ADGRD2: variants seen among roughly 807,000 people sequenced by gnomAD.
The protein encoded by ADGRD2 is adhesion G protein-coupled receptor D2.
Under a neutral mutation model 44.4 loss-of-function variants are expected in ADGRD2, and 71 were observed. The observed-to-expected ratio is 1.60, with a 90% CI of 1.32 to 1.95. The LOEUF (loss-of-function observed/expected upper bound fraction) is 1.95, where lower values mean the gene tolerates loss of function less well. ADGRD2 is among the 30% of genes most tolerant of loss of function. ADGRD2 has a pLI of 0.00. For missense variants in ADGRD2, 1,039 were observed against 512.4 expected (o/e 2.03, Z -9.92); for synonymous variants, 481 against 224.8 (o/e 2.14, Z -10.19).
At chr9:124,451,997 G>GA, upstream of ADGRD2, 2 of 360,938 alleles carry the variant, frequency 5.5e-6, no homozygotes, top group South Asian at 2.1e-5. Context: ...TCCACTGAAT[G>GA]CCCCCCTCCC....
Position 124,454,472 on chromosome 9 carries a change from A to C in ADGRD2, c.1023-12A>C. ...TTGCCCGGGGCCTAGCCTGGCATCC[A>C]CTCCTTTGCAGAGCCCTATCGTCGG... On this transcript the variant is annotated splice_polypyrimidine_tract_variant and intron_variant, in intron 4 of 21. Coordinates refer to ENST00000334810, the Ensembl canonical transcript of ADGRD2. This position sits in a 1 kb window ranked among gnomAD's most constrained non-coding sequence, Gnocchi z 4.5. 1 of 705,282 alleles carries C rather than the reference A, an allele frequency of 1.4e-6. No individual in the cohort carries two copies. Among genetic ancestry groups the C allele is most frequent in the Admixed American group, 2.0e-5 (1 of 49,740 alleles). The allele number at this position is 705,282 out of a possible 1,614,324, so 43.7% of individuals were successfully genotyped here.
At chr9:124,466,233 A>G in intron 10 of ADGRD2, 25 bp from the exon 14 acceptor site, 1 of 574,178 alleles carries the variant, frequency 1.7e-6, no homozygotes, top group Non-Finnish European at 3.3e-6. Flanking sequence ...CTGGCCCCTC[A>G]CCCCCTTGTC....
In ADGRD2 at chr9:124,454,142, G is replaced by T; in HGVS notation, c.1022+45G>T. The T allele has an allele frequency of 1.6e-6, 1 of 641,782 alleles. No homozygotes were observed. The allele number at this position is 641,782 out of a possible 1,614,324, so 39.8% of individuals were successfully genotyped here. A position where few individuals can be genotyped will look rare whatever the true frequency, so the allele number is the denominator to read the frequency against. ...CTGGGCTCTGCTGAAGGGAAAGCCG[G>T]TGTGGACCGGAGTAGACTGAGAGGG... On this transcript the variant is annotated intron_variant, in intron 4 of 21. Coordinates refer to ENST00000334810, the Ensembl canonical transcript of ADGRD2. This position sits in a 1 kb window ranked among gnomAD's most constrained non-coding sequence, Gnocchi z 4.5.
At chr9:124,471,804 C>T (rs905782946) in intron 17 of ADGRD2, among the ~76,000 whole-genome samples, 1 of 152,208 alleles carries the variant, frequency 6.6e-6, no homozygotes, top group Non-Finnish European at 1.5e-5. Context: ...GAAGAGGCAG[C>T]AAAAAGCCCC....
At chr9:124,468,592 G>A (rs746884301) in exon 14 of ADGRD2, 2 of 718,452 alleles carry the variant, frequency 2.8e-6, no homozygotes, top group South Asian at 1.5e-5. Context: ...CTGGTGGAGG[G>A]GCTGCTGCTG....
rs538464221 is a variant in ADGRD2, at chr9:124,466,612, C to G, written c.2026+199C>G. On this transcript the variant is annotated intron_variant, in intron 11 of 21. Transcript: ENST00000334810. ...ATCACTTGAGCCCAGGAGTTCAAGA[C>G]CAGCCTGGGCAACATGGCAAAACCC... 2.8e-5 allele frequency: 11 copies of G among 397,082 alleles called. No individual in the cohort carries two copies. The East Asian group carries it at 4.0e-4, about 15-fold the overall frequency. The allele number at this position is 397,082 out of a possible 1,614,324, so 24.6% of individuals were successfully genotyped here. A position where few individuals can be genotyped will look rare whatever the true frequency, so the allele number is the denominator to read the frequency against.
intron 2 of ADGRD2, 116 bp downstream of exon 5, chr9:124,452,838 A>T: frequency 1.6e-6 from 1 of 623,736 alleles, no homozygotes; most frequent in Non-Finnish European, 2.9e-6. Context: ...ACCCCATTGC[A>T]TCTCCAGGTT....
intron 10 of ADGRD2, among the ~76,000 whole-genome samples, chr9:124,462,125 A>G (rs1382054800): frequency 6.6e-6 from 1 of 151,746 alleles, no homozygotes; most frequent in Admixed American, 6.6e-5. Flanking sequence ...TGGTACGAAC[A>G]CGGCTCACTG....
chr9:124,471,201 G>T (rs1251377617), intron 17 of ADGRD2, among the ~76,000 whole-genome samples: 1 of 152,152 alleles, frequency 6.6e-6, no homozygotes, highest in South Asian at 2.1e-4. Flanking sequence ...ACAGCCAGGG[G>T]GCTGGGTGCT....
rs1831898701 is a variant in ADGRD2, at chr9:124,469,366, G to T, written c.2521+11G>T. 7 of 718,322 alleles carry T rather than the reference G, an allele frequency of 9.7e-6. No homozygotes were observed. Among genetic ancestry groups the T allele is most frequent in the Non-Finnish European group, 1.8e-5 (7 of 385,100 alleles). The allele number at this position is 718,322 out of a possible 1,614,324, so 44.5% of individuals were successfully genotyped here. ...CTCTTCGTGCTGACTGTGAGCTGGG[G>T]ACCTGCAGGGGAGGGGCGTGTTGGG... On this transcript the variant is annotated intron_variant, in intron 15 of 21. Coordinates refer to ENST00000334810, the Ensembl canonical transcript of ADGRD2.
intron 10 of ADGRD2, among the ~76,000 whole-genome samples, chr9:124,463,275 G>A (rs778570280): frequency 2.3e-4 from 35 of 152,116 alleles, no homozygotes; most frequent in Non-Finnish European, 4.3e-4. Context: ...CCTTAATCTA[G>A]TAAATTGCAC....
intron 10 of ADGRD2, among the ~76,000 whole-genome samples, chr9:124,464,810 A>AGG (rs1831784958): frequency 2.4e-5 from 2 of 83,196 alleles, no homozygotes; most frequent in African/African-American, 6.4e-5. Flanking sequence ...CTGTGTGTGT[A>AGG]CGTGTGTGTG....
At chr9:124,456,845 GC>G in intron 7 of ADGRD2, 112 bp downstream of exon 10, 1 of 672,462 alleles carries the variant, frequency 1.5e-6, no homozygotes, top group Non-Finnish European at 2.7e-6. Context: ...TCCTGCCTTT[GC>G]CCATGCTGTG....
In ADGRD2 at chr9:124,454,566, T is replaced by C. The variant is rs905184544; in HGVS notation, c.1107T>C (p.Ile369=). The C allele has an allele frequency of 2.8e-6, 2 of 715,988 alleles. No homozygotes were observed. Among genetic ancestry groups the C allele is most frequent in the Non-Finnish European group, 5.2e-6 (2 of 383,528 alleles). 44.4% of individuals were successfully genotyped at this position (715,988 alleles called of 1,614,324 possible). A position where few individuals can be genotyped will look rare whatever the true frequency, so the allele number is the denominator to read the frequency against. Residue 369 remains isoleucine (I), a synonymous_variant, in exon 5 of 22, where the codon ATT becomes ATC. Coordinates refer to ENST00000334810, the Ensembl canonical transcript of ADGRD2. The surrounding 1 kb of genome is among the most constrained non-coding windows in gnomAD (Gnocchi z 4.5). ...GAGTCAATGCCTTGGCCAACGACAT[T>C]GTGGTGAGCTCCCTCTCAGGGGCTG...
chr9:124,452,286 G>A (rs1170486309), intron 1 of ADGRD2, 132 bp downstream of exon 4: 1 of 634,832 alleles, frequency 1.6e-6, no homozygotes, highest in Non-Finnish European at 2.9e-6. Context: ...ACCATACCAG[G>A]CCCTGCGAGG....
intron 6 of ADGRD2, among the ~76,000 whole-genome samples, 175 bp downstream of exon 9, chr9:124,455,302 C>T (rs911114663): frequency 6.6e-6 from 1 of 152,194 alleles, no homozygotes; most frequent in African/African-American, 2.4e-5. Context: ...CAAACAATTG[C>T]ACTTGAGGCT....
upstream of ADGRD2, chr9:124,451,517 G>C (rs1159527765): frequency 6.1e-6 from 2 of 330,096 alleles, no homozygotes; most frequent in Non-Finnish European, 1.2e-5. Context: ...TGGGGTCTGG[G>C]AGTCAAACAA....
chr9:124,452,012 A>ACCC, upstream of ADGRD2: 1 of 129,012 alleles, frequency 7.8e-6, no homozygotes, highest in Non-Finnish European at 1.6e-5. Flanking sequence ...CCTCCCACCC[A>ACCC]CCCCCAGAGT....
chr9:124,469,126 C>A, intron 14 of ADGRD2, 96 bp from the exon 18 acceptor site: 1 of 645,052 alleles, frequency 1.6e-6, no homozygotes, highest in Non-Finnish European at 2.8e-6. Context: ...GTACAACCTC[C>A]AGTAGGGGAC....
Sources: allele counts gnomAD v4.1 joint callset (sites outside exome capture counted in the v4.1 genomes callset), GRCh38; gene constraint gnomAD v4.1.1; non-coding constraint Gnocchi (gnomAD v3.1); transcripts MANE v1.5; gene names NCBI Gene and HGNC (gene_info 2026-07-23, HGNC 2026-07-21).